The following MTSS1 variants were observed in gnomAD, a reference collection of about 807,000 sequenced individuals.
The protein encoded by MTSS1 is MTSS I-BAR domain containing 1, also known as protein MTSS 1.
A neutral mutation model predicts 79.0 loss-of-function variants in MTSS1; 18 were observed. The ratio of observed to expected loss-of-function variants is 0.23; its 90% CI spans 0.16 to 0.34. The LOEUF is 0.34. Among genes scored for constraint, MTSS1 ranks in the 10% least tolerant of loss-of-function variants. The pLI is 1.00. For synonymous variants in MTSS1, 341 were observed against 368.6 expected, an observed-to-expected ratio of 0.93 and a Z score of 0.86; for missense variants, 815 against 986.2, an observed-to-expected ratio of 0.83 and a Z score of 2.33.
intron 3 of MTSS1, among the ~76,000 whole-genome samples, chr8:124,615,462 C>A (rs1836665267): frequency 6.6e-6 from 1 of 152,102 alleles, no homozygotes; most frequent in African/African-American, 2.4e-5. Flanking sequence ...GTGAAATAAG[C>A]CCGCCACAAA....
chr8:124,645,012 T>C (rs1361308592), intron 3 of MTSS1, among the ~76,000 whole-genome samples: 3 of 152,162 alleles, frequency 2.0e-5, no homozygotes, highest in Non-Finnish European at 2.9e-5. Flanking sequence ...GGCCCAAATG[T>C]AGAGAAGGAC....
intron 3 of MTSS1, among the ~76,000 whole-genome samples, chr8:124,647,504 G>A (rs927030062): frequency 9.2e-5 from 14 of 151,846 alleles, no homozygotes; most frequent in African/African-American, 3.4e-4. Flanking sequence ...ATTAACCACA[G>A]TCACCATGCT....
intron 9 of MTSS1, among the ~76,000 whole-genome samples, chr8:124,565,087 A>G (rs1775943065): frequency 6.6e-6 from 1 of 152,256 alleles, no homozygotes; most frequent in South Asian, 2.1e-4. Flanking sequence ...TTGCTAGACA[A>G]CAGTTTTGCA....
chr8:124,725,791 G>A (rs72714789), intron 1 of MTSS1, among the ~76,000 whole-genome samples: 8,439 of 152,224 alleles, frequency 0.055, 340 homozygotes, highest in Middle Eastern at 0.12. Context: ...AATCCATGAT[G>A]AAGTCTTTTA....
chr8:124,688,432 T>C (rs1005664967), intron 3 of MTSS1, among the ~76,000 whole-genome samples: 1 of 152,144 alleles, frequency 6.6e-6, no homozygotes, highest in Non-Finnish European at 1.5e-5. Flanking sequence ...TGCATGTAGA[T>C]GAATTGAAGG....
At chr8:124,565,435 T>G (rs1826188417) in intron 9 of MTSS1, among the ~76,000 whole-genome samples, 1 of 152,198 alleles carries the variant, frequency 6.6e-6, no homozygotes, top group African/African-American at 2.4e-5. Context: ...TGAGAGAGAA[T>G]AAGCTACATC....
intron 3 of MTSS1, among the ~76,000 whole-genome samples, chr8:124,633,652 C>T (rs1474457150): frequency 6.6e-6 from 1 of 152,024 alleles, no homozygotes; most frequent in Non-Finnish European, 1.5e-5. Context: ...CGCCTGTAAT[C>T]CCAGCTACTC....
intron 3 of MTSS1, among the ~76,000 whole-genome samples, chr8:124,669,388 C>A (rs1004653927): frequency 2.0e-5 from 3 of 152,206 alleles, no homozygotes; most frequent in African/African-American, 7.2e-5. Context: ...CAAACTGATA[C>A]AACCACACAG....
intron 1 of MTSS1, among the ~76,000 whole-genome samples, chr8:124,711,524 G>T (rs1001165804): frequency 6.6e-6 from 1 of 152,092 alleles, no homozygotes; most frequent in African/African-American, 2.4e-5. Flanking sequence ...CCAGCCCCAG[G>T]GCTGCAAAGA....
Position 124,726,992 on chromosome 8 carries a change from T to C in MTSS1, c.72+892A>G, listed in dbSNP as rs6990550. ...ATGAATAACACGGGGCCCTGGTCTA[T>C]CTCTAGGCACCAGAAAATCCACATC... On this transcript the variant is annotated intron_variant, in intron 1 of 13. Coordinates refer to ENST00000518547, the MANE Select transcript of MTSS1 (RefSeq NM_014751.6). Among the ~76,000 whole-genome samples, 826 of 152,174 alleles carry C rather than the reference T, an allele frequency of 5.4e-3. 7 individuals carry two copies. The highest frequency in any genetic ancestry group is 0.015 in the African/African-American group (642 of 41,542).
intron 3 of MTSS1, among the ~76,000 whole-genome samples, chr8:124,687,475 G>T (rs1162933027): frequency 6.6e-6 from 1 of 152,178 alleles, no homozygotes; most frequent in Non-Finnish European, 1.5e-5. Context: ...GTGCTTAAGT[G>T]GCAAATCAAG....
chr8:124,571,648 A>G (rs1827800884), intron 6 of MTSS1, among the ~76,000 whole-genome samples: 1 of 152,084 alleles, frequency 6.6e-6, no homozygotes, highest in South Asian at 2.1e-4. Flanking sequence ...GTGGGCTTTG[A>G]TTATGGTAGC....
At chr8:124,611,113 C>CG (rs975462571) in intron 3 of MTSS1, among the ~76,000 whole-genome samples, 2 of 148,618 alleles carry the variant, frequency 1.3e-5, no homozygotes, top group Non-Finnish European at 3.0e-5. Flanking sequence ...CAGACCCCCC[C>CG]CCCCCAGCAT....
chr8:124,635,723 G>C (rs965598332), intron 3 of MTSS1, among the ~76,000 whole-genome samples: 2 of 152,104 alleles, frequency 1.3e-5, no homozygotes, highest in Non-Finnish European at 2.9e-5. Flanking sequence ...CTCAATCACT[G>C]GTTGTGTGAG....
intron 6 of MTSS1, among the ~76,000 whole-genome samples, chr8:124,569,247 C>T (rs1827231426): frequency 6.6e-6 from 1 of 152,224 alleles, no homozygotes; most frequent in African/African-American, 2.4e-5. Flanking sequence ...CAGTTAGGTG[C>T]AGGCAACCAC....
chr8:124,649,130 G>A (rs1043371622), intron 3 of MTSS1, among the ~76,000 whole-genome samples: 13 of 152,196 alleles, frequency 8.5e-5, no homozygotes, highest in African/African-American at 2.4e-4. Context: ...GGCCAAATCC[G>A]GCCCACTGCC....
chr8:124,669,082 G>A lies in MTSS1; in HGVS notation c.208+30444C>T, dbSNP rs79915844. 1.9e-3 allele frequency among the ~76,000 whole-genome samples: 293 copies of A among 152,214 alleles called. 4 individuals are homozygous for A. Among genetic ancestry groups the A allele is most frequent in the African/African-American group, 6.4e-3 (266 of 41,514 alleles). ...CACTTGAGGTGCTGAGCAAAAGATG[G>A]ATCTCTCAGTAAACACCAGCCACAA... On this transcript the variant is annotated intron_variant, in intron 3 of 13. Transcript: ENST00000518547.
intron 1 of MTSS1, among the ~76,000 whole-genome samples, chr8:124,712,846 C>A (rs2135624682): frequency 6.6e-6 from 1 of 151,730 alleles, no homozygotes; most frequent in East Asian, 2.0e-4. Context: ...TCTCCCCTTA[C>A]AAACTGCTCC....
intron 3 of MTSS1, among the ~76,000 whole-genome samples, chr8:124,627,182 G>A (rs1814856669): frequency 6.6e-6 from 1 of 152,044 alleles, no homozygotes; most frequent in South Asian, 2.1e-4. Context: ...TCTGACCCTG[G>A]TGTCCCCACG....
Sources: gnomAD v4.1 joint callset for allele counts (sites outside exome capture counted in the v4.1 genomes callset) on GRCh38, gnomAD v4.1.1 for gene constraint, MANE v1.5 for transcripts, NCBI Gene and HGNC (gene_info 2026-07-23, HGNC 2026-07-21) for gene names.